CENPP: variants seen among roughly 807,000 people sequenced by gnomAD.
The protein encoded by CENPP is centromere protein P.
In CENPP, 24 loss-of-function variants were observed where a neutral mutation model predicts 35.6. The ratio of observed to expected loss-of-function variants is 0.67; its 90% CI spans 0.49 to 0.95. The LOEUF is 0.95. Ranked by LOEUF, CENPP falls within the 40% of genes least tolerant of loss-of-function variation. The pLI, the probability that CENPP is intolerant of heterozygous loss-of-function variation, is 0.00. For missense variants in CENPP, 332 were observed against 345.3 expected (o/e 0.96, Z 0.31); for synonymous variants, 120 against 125.5 (o/e 0.96, Z 0.29).
At chr9:92,389,027 A>AT (rs891623431) in intron 5 of CENPP, among the ~76,000 whole-genome samples, 2 of 152,132 alleles carry the variant, frequency 1.3e-5, no homozygotes, top group African/African-American at 4.8e-5. Context: ...CAGATTGTAC[A>AT]TTTTTTGACA....
chr9:92,434,869 T>C (rs1588127740), intron 5 of CENPP, among the ~76,000 whole-genome samples: 1 of 152,096 alleles, frequency 6.6e-6, no homozygotes, highest in East Asian at 1.9e-4. Flanking sequence ...CGGGCCGACA[T>C]GGCGAAACCC....
chr9:92,565,387 GCATGCA>G (rs1288412335), intron 5 of CENPP, among the ~76,000 whole-genome samples: 3 of 150,916 alleles, frequency 2.0e-5, no homozygotes, highest in African/African-American at 7.3e-5. Context: ...ATCCTGGGCT[GCATGCA>G]GCCCACAGGC....
chr9:92,563,365 C>T (rs1849891598), intron 5 of CENPP, among the ~76,000 whole-genome samples: 1 of 152,184 alleles, frequency 6.6e-6, no homozygotes, highest in African/African-American at 2.4e-5. Flanking sequence ...TTTCCCCAAA[C>T]AGTACATAAA....
chr9:92,421,659 T>C (rs528693877), intron 5 of CENPP, among the ~76,000 whole-genome samples: 3 of 152,356 alleles, frequency 2.0e-5, no homozygotes, highest in South Asian at 4.1e-4. Flanking sequence ...GTTAGTTTGA[T>C]TGGGTTACAT....
At chr9:92,549,450 C>T (rs1849539224) in intron 5 of CENPP, among the ~76,000 whole-genome samples, 1 of 152,068 alleles carries the variant, frequency 6.6e-6, no homozygotes, top group Admixed American at 6.6e-5. Context: ...AGTTCGAGAC[C>T]AGCCTGGCCA....
At chr9:92,418,875 T>C (rs1843699759) in intron 5 of CENPP, among the ~76,000 whole-genome samples, 1 of 152,186 alleles carries the variant, frequency 6.6e-6, no homozygotes, top group African/African-American at 2.4e-5. Flanking sequence ...AATAACTACT[T>C]TAAATCCTAA....
intron 5 of CENPP, among the ~76,000 whole-genome samples, chr9:92,568,509 A>G (rs1260961074): frequency 6.6e-6 from 1 of 152,108 alleles, no homozygotes; most frequent in Non-Finnish European, 1.5e-5. Flanking sequence ...GGTTGGTTCC[A>G]AGTCTTTGCT....
rs183610462 is a variant in CENPP, at chr9:92,379,886, A to G, written c.564+27A>G. On this transcript the variant is annotated intron_variant, in intron 5 of 7. Coordinates refer to ENST00000375587, the MANE Select transcript of CENPP (RefSeq NM_001012267.3). Reference sequence around the variant, plus strand: ...TAAAGTCTGAAGTCTTTGAATTTAAACATATATGGAAAACAAAGCTGATAT... The same window carrying G: ...TAAAGTCTGAAGTCTTTGAATTTAAGCATATATGGAAAACAAAGCTGATAT... 167 of 1,383,112 alleles carry G rather than the reference A, an allele frequency of 1.2e-4. 1 individual carries two copies. In the East Asian group the frequency reaches 3.7e-3, roughly 31 times the overall value. The allele number at this position is 1,383,112 out of a possible 1,614,324, so 85.7% of individuals were successfully genotyped here.
At chr9:92,478,397 C>T (rs1489911276) in intron 5 of CENPP, among the ~76,000 whole-genome samples, 2 of 152,110 alleles carry the variant, frequency 1.3e-5, no homozygotes, top group Non-Finnish European at 2.9e-5. Context: ...AAGATTTTGA[C>T]AAGGTTATTT....
Position 92,593,137 on chromosome 9 carries a change from T to C in CENPP, c.565-18177T>C, listed in dbSNP as rs1265357795. 6.6e-6 allele frequency among the ~76,000 whole-genome samples: 1 copy of C among 152,146 alleles called. No individual in the cohort carries two copies. The highest frequency in any genetic ancestry group is 2.4e-5 in the African/African-American group (1 of 41,430). ...TAAGCATCCACTTCTCAATCCCAGG[T>C]GGCAGGAGAGCTGCCCCCGGGGAGC... On this transcript the variant is annotated intron_variant, in intron 5 of 7. Transcript: ENST00000375587. The surrounding 1 kb of genome is among the most constrained non-coding windows in gnomAD (Gnocchi z 4.1).
In CENPP at chr9:92,427,049, G is replaced by A. The variant is rs371977060; in HGVS notation, c.564+47190G>A. 1.4e-4 allele frequency among the ~76,000 whole-genome samples: 22 copies of A among 152,296 alleles called. No individual in the cohort carries two copies. In the East Asian group the frequency reaches 4.1e-3, roughly 28 times the overall value. The stretch of plus-strand genomic sequence containing the variant: ...AAGGAAAGTAGGAGATGGGCCTGGA[G>A]CATTGTACAGTACCAGAAAAAGGGC... On this transcript the variant is annotated intron_variant, in intron 5 of 7. Transcript: ENST00000375587.
intron 5 of CENPP, among the ~76,000 whole-genome samples, chr9:92,525,689 G>A (rs896386980): frequency 2.0e-5 from 3 of 151,950 alleles, no homozygotes; most frequent in East Asian, 1.9e-4. Context: ...TCAGGAGTTC[G>A]AGACCAGCCT....
At chr9:92,453,512 A>G (rs539993301) in intron 5 of CENPP, among the ~76,000 whole-genome samples, 10 of 152,244 alleles carry the variant, frequency 6.6e-5, no homozygotes, top group African/African-American at 2.4e-4. Flanking sequence ...GGAGAGCTTC[A>G]CTTCCAACTA....
intron 4 of CENPP, among the ~76,000 whole-genome samples, chr9:92,371,437 G>A (rs570211789): frequency 6.6e-6 from 1 of 152,218 alleles, no homozygotes; most frequent in East Asian, 1.9e-4. Flanking sequence ...TCCTTTTGGT[G>A]TTGATTTCTA....
intron 4 of CENPP, among the ~76,000 whole-genome samples, chr9:92,362,366 A>C (rs1841777052): frequency 6.7e-6 from 1 of 149,802 alleles, no homozygotes; most frequent in African/African-American, 2.5e-5. Context: ...ATTTGTCTCT[A>C]AAAAAAAAGT....
At chr9:92,586,183 C>G (rs183345098) in intron 5 of CENPP, among the ~76,000 whole-genome samples, 5 of 152,252 alleles carry the variant, frequency 3.3e-5, no homozygotes, top group African/African-American at 1.2e-4. Context: ...GTAGCTGGGA[C>G]TACAGGCATG....
At chr9:92,333,650 A>G (rs1246643527) in intron 2 of CENPP, among the ~76,000 whole-genome samples, 1 of 152,212 alleles carries the variant, frequency 6.6e-6, no homozygotes, top group Non-Finnish European at 1.5e-5. Flanking sequence ...AATTAATTGC[A>G]AGTAATTCAG....
chr9:92,329,467 C>T (rs890719455), intron 1 of CENPP, among the ~76,000 whole-genome samples: 1 of 152,132 alleles, frequency 6.6e-6, no homozygotes, highest in Non-Finnish European at 1.5e-5. Context: ...ATTACGTGAG[C>T]CACCGTGCCC....
rs1291182308 is a variant in CENPP, at chr9:92,619,853, C to T, written c.*6704C>T. On this transcript the variant is annotated 3_prime_UTR_variant, in exon 8 of 8. Coordinates refer to ENST00000375587, the MANE Select transcript of CENPP (RefSeq NM_001012267.3). ...CCAGACCCTGAGACGGATGATCTGT[C>T]TTCAGCAAGGTCACCACAGTCGGCC... The T allele has an allele frequency of 6.6e-6, 3 of 457,056 alleles. No homozygotes were observed. The highest frequency in any genetic ancestry group is 6.0e-4 in the Middle Eastern group (1 of 1,668). The allele number at this position is 457,056 out of a possible 1,614,324, so 28.3% of individuals were successfully genotyped here.
Sources: gnomAD v4.1 joint callset for allele counts (sites outside exome capture counted in the v4.1 genomes callset) on GRCh38, gnomAD v4.1.1 for gene constraint, Gnocchi (gnomAD v3.1) non-coding constraint, MANE v1.5 for transcripts, NCBI Gene and HGNC (gene_info 2026-07-23, HGNC 2026-07-21) for gene names.